The following GLYATL2 variants were observed in gnomAD, a reference collection of about 807,000 sequenced individuals.
GLYATL2 encodes glycine-N-acyltransferase like 2.
A neutral mutation model predicts 21.4 loss-of-function variants in GLYATL2; 25 were observed. The observed-to-expected ratio is 1.17, with a 90% CI of 0.85 to 1.63. The LOEUF is 1.63. Among genes scored for constraint, GLYATL2 ranks in the 40% most tolerant of loss-of-function variants. The probability of loss-of-function intolerance (pLI) is 0.00; values close to 1 mark genes in which losing one functional copy is unlikely to be tolerated. For synonymous variants in GLYATL2, 114 were observed against 118.2 expected (o/e 0.96, Z 0.23); for missense variants, 361 against 343.3 (o/e 1.05, Z -0.41).
At chr11:58,885,103 T>G (rs547740994) in intron 1 of GLYATL2, 1 of 153,232 alleles carries the variant, frequency 6.5e-6, no homozygotes, top group East Asian at 1.9e-4. Flanking sequence ...GGTCTTTTCA[T>G]CAATGAAATG....
At chr11:58,847,184 C>T (rs1487805888), upstream of GLYATL2, among the ~76,000 whole-genome samples, 6 of 152,068 alleles carry the variant, frequency 3.9e-5, no homozygotes, top group African/African-American at 1.4e-4. Context: ...TAACCTACAG[C>T]AGTACCCATG....
At chr11:58,874,936 AG>A (rs1854198483) in intron 1 of GLYATL2, among the ~76,000 whole-genome samples, 2 of 152,152 alleles carry the variant, frequency 1.3e-5, no homozygotes, top group South Asian at 2.1e-4. Context: ...GTCTCTTTGT[AG>A]GTCACTAAGG....
chr11:58,898,202 C>T (rs1261565133), intron 1 of GLYATL2, among the ~76,000 whole-genome samples: 1 of 152,120 alleles, frequency 6.6e-6, no homozygotes, highest in East Asian at 1.9e-4. Flanking sequence ...ACGACATCTT[C>T]CAATAGATTC....
intron 1 of GLYATL2, among the ~76,000 whole-genome samples, chr11:58,850,152 TGTTGTGTTCCAG>T (rs1418202151): frequency 2.0e-5 from 3 of 152,176 alleles, no homozygotes; most frequent in Admixed American, 2.0e-4. Flanking sequence ...TGGGCATCTT[TGTTGTGTTCCAG>T]CTATTGGAAA....
Position 58,837,077 on chromosome 11 carries a change from T to C in GLYATL2, c.414A>G (p.Pro138=), listed in dbSNP as rs1853445460. The change falls in exon 5 of 6, where the codon CCA becomes CCG. Residue 138 remains proline, a synonymous_variant. Transcript: ENST00000287275. Reference sequence around the variant, plus strand: ...CATTACTTGAGGTCTTGTGTTTCTTTGGTAATTCCGGTATAAAGAGGATGG... The same window carrying C: ...CATTACTTGAGGTCTTGTGTTTCTTCGGTAATTCCGGTATAAAGAGGATGG... ...MKTILFIPEL[P]KKHKTSSNDK... 3 of 1,613,916 alleles carry C rather than the reference T, an allele frequency of 1.9e-6. No homozygotes were observed. The highest frequency in any genetic ancestry group is 2.5e-6 in the Non-Finnish European group (3 of 1,179,782).
At chr11:58,837,611 G>A (rs763874998) in intron 3 of GLYATL2, among the ~76,000 whole-genome samples, 4 of 152,298 alleles carry the variant, frequency 2.6e-5, no homozygotes, top group Non-Finnish European at 5.9e-5. Context: ...AGCTGCCCTT[G>A]AGAGGGTGAG....
At chr11:58,837,532 G>T in intron 3 of GLYATL2, 135 bp from the exon 4 acceptor site, 1 of 791,772 alleles carries the variant, frequency 1.3e-6, no homozygotes, top group Non-Finnish European at 2.0e-6. Flanking sequence ...AATGGCCTTG[G>T]AGTCACTTCA....
At chr11:58,908,490 G>A (rs939755024), upstream of GLYATL2, 4 of 209,182 alleles carry the variant, frequency 1.9e-5, no homozygotes, top group Non-Finnish European at 4.2e-5. Context: ...AGACTGAAGG[G>A]AACAAGTCAT....
chr11:58,888,977 T>C (rs1447818234), intron 1 of GLYATL2, among the ~76,000 whole-genome samples: 1 of 151,938 alleles, frequency 6.6e-6, no homozygotes, highest in Non-Finnish European at 1.5e-5. Context: ...TGTGGAAGGA[T>C]TAATTTTTTT....
intron 1 of GLYATL2, among the ~76,000 whole-genome samples, chr11:58,861,496 CTTCT>C (rs543714857): frequency 2.3e-4 from 34 of 151,100 alleles, no homozygotes; most frequent in Admixed American, 4.0e-4. Context: ...GTTTGTCAAT[CTTCT>C]TTATCTTTTC....
chr11:58,899,687 A>G (rs1387885075), intron 1 of GLYATL2, among the ~76,000 whole-genome samples: 1 of 152,210 alleles, frequency 6.6e-6, no homozygotes, highest in Non-Finnish European at 1.5e-5. Context: ...AAAGCACTCC[A>G]GGAATCACCC....
At chr11:58,874,835 G>C (rs574583645) in intron 1 of GLYATL2, among the ~76,000 whole-genome samples, 1 of 152,234 alleles carries the variant, frequency 6.6e-6, no homozygotes, top group African/African-American at 2.4e-5. Context: ...TTCAATTCCT[G>C]GGTATCCTTG....
chr11:58,891,637 T>C (rs1590751510), intron 1 of GLYATL2, among the ~76,000 whole-genome samples: 1 of 152,198 alleles, frequency 6.6e-6, no homozygotes, highest in Admixed American at 6.6e-5. Context: ...ATTCTAGGTG[T>C]CTGGTGAAAC....
At position 58,877,204 on chromosome 11, in the gene GLYATL2, G is replaced by A. The variant is rs547304159; in HGVS notation, n.60+26952C>T. On this transcript the variant is annotated intron_variant and non_coding_transcript_variant, in intron 1 of 4. Coordinates refer to the GLYATL2 transcript ENST00000533636. ...CATCTGTCACCCCTTTCTTTGACTA[G>A]GAACGGGAATTCCCTGACCTCTTGT... 2.0e-5 allele frequency among the ~76,000 whole-genome samples: 3 copies of A among 152,366 alleles called. No individual in the cohort carries two copies. The East Asian group carries it at 5.8e-4, about 29-fold the overall frequency.
intron 1 of GLYATL2, among the ~76,000 whole-genome samples, chr11:58,875,902 T>C (rs1371282972): frequency 6.6e-6 from 1 of 152,262 alleles, no homozygotes; most frequent in Admixed American, 6.5e-5. Context: ...CTTGGTTCCA[T>C]TCTCCCCGTC....
chr11:58,876,551 C>G (rs918273472), intron 1 of GLYATL2, among the ~76,000 whole-genome samples: 1 of 152,194 alleles, frequency 6.6e-6, no homozygotes, highest in African/African-American at 2.4e-5. Flanking sequence ...TACTGGAGGT[C>G]TACTCCAGAC....
At chr11:58,861,570 G>A (rs1435703281) in intron 1 of GLYATL2, among the ~76,000 whole-genome samples, 1 of 151,212 alleles carries the variant, frequency 6.6e-6, no homozygotes, top group Non-Finnish European at 1.5e-5. Context: ...TAATTTAACT[G>A]CTCTGATCTT....
chr11:58,873,895 G>A (rs1313592500), intron 1 of GLYATL2, among the ~76,000 whole-genome samples: 2 of 152,044 alleles, frequency 1.3e-5, no homozygotes, highest in African/African-American at 2.4e-5. Context: ...GGTAGAATTC[G>A]GCTGTGAATC....
chr11:58,877,526 TA>T (rs1854258711), intron 1 of GLYATL2, among the ~76,000 whole-genome samples: 1 of 152,102 alleles, frequency 6.6e-6, no homozygotes, highest in Non-Finnish European at 1.5e-5. Flanking sequence ...GATGCAAAAT[TA>T]AGAAATTGGG....
Sources: gnomAD v4.1 joint callset for allele counts (sites outside exome capture counted in the v4.1 genomes callset) on GRCh38, gnomAD v4.1.1 for gene constraint, MANE v1.5 for transcripts, NCBI Gene and HGNC (gene_info 2026-07-23, HGNC 2026-07-21) for gene names.